NPAS1: variants seen among roughly 807,000 people sequenced by gnomAD.
NPAS1 encodes the protein neuronal PAS domain-containing protein 1.
In NPAS1, 29 loss-of-function variants were observed where a neutral mutation model predicts 49.2. The observed-to-expected ratio is 0.59, with a 90% CI of 0.44 to 0.80. NPAS1 has a LOEUF of 0.80. NPAS1 is among the 30% of genes least tolerant of loss of function. NPAS1 has a pLI of 0.00. For missense variants in NPAS1, 825 were observed against 835.5 expected (o/e 0.99, Z 0.15); for synonymous variants, 408 against 380.4 (o/e 1.07, Z -0.84).
At chr19:47,034,386 C>A (rs541673584) in intron 5 of NPAS1, among the ~76,000 whole-genome samples, 2 of 151,470 alleles carry the variant, frequency 1.3e-5, no homozygotes, top group South Asian at 4.2e-4. Context: ...CATCTCACAG[C>A]ACCTTAAGCT....
Position 47,035,991 on chromosome 19 carries a change from G to C in NPAS1, c.550G>C (p.Asp184His). 6.5e-7 allele frequency: 1 copy of C among 1,544,494 alleles called. No individual in the cohort carries two copies. Among genetic ancestry groups the C allele is most frequent in the Non-Finnish European group, 8.7e-7 (1 of 1,146,994 alleles). The stretch of plus-strand genomic sequence containing the variant: ...GGAGATGACGGGCAGCAGCGTCTTC[G>C]ACTACATTCACCCTGGGGACCACTC... ...QVEMTGSSVF[D>H]YIHPGDHSEV... Residue 184 changes from aspartate to histidine, a missense_variant, in exon 6 of 12, where the codon GAC (aspartate) becomes CAC (histidine). By Grantham distance (81) the Asp-to-His change is moderately conservative. Coordinates refer to ENST00000602212, the MANE Select transcript of NPAS1 (RefSeq NM_002517.4).
chr19:47,020,468 C>G (rs1259843384), intron 1 of NPAS1, among the ~76,000 whole-genome samples: 1 of 151,926 alleles, frequency 6.6e-6, no homozygotes, highest in Non-Finnish European at 1.5e-5. Flanking sequence ...TCCCGAGAGG[C>G]TGGGGGGATC....
At chr19:47,031,518 CTCT>C (rs1458135006) in intron 3 of NPAS1, among the ~76,000 whole-genome samples, 1 of 40,862 alleles carries the variant, frequency 2.4e-5, no homozygotes, top group Non-Finnish European at 5.1e-5. Flanking sequence ...TTTTCTTTCT[CTCT>C]TTTTTCTTTC....
chr19:47,034,032 C>A (rs1473409559), intron 5 of NPAS1, among the ~76,000 whole-genome samples: 17 of 118,840 alleles, frequency 1.4e-4, no homozygotes, highest in African/African-American at 5.1e-4. Flanking sequence ...GGGCCGGGCG[C>A]GGTGGCTCAC....
In NPAS1 at chr19:47,032,263, T is replaced by G. The variant is rs768832145; in HGVS notation, c.359-15T>G. ...TCAGCCAGACTAACAGGCTTCATCC[T>G]TCCATCTGCCCCAGCCCCAGGCCGC... On this transcript the variant is annotated splice_polypyrimidine_tract_variant and intron_variant, in intron 3 of 11. Coordinates refer to ENST00000602212, the MANE Select transcript of NPAS1 (RefSeq NM_002517.4). 2.5e-6 allele frequency: 4 copies of G among 1,612,740 alleles called. No homozygotes were observed. The African/African-American group carries it at 5.3e-5, about 22-fold the overall frequency.
chr19:47,022,677 T>C (rs116976121), intron 3 of NPAS1, among the ~76,000 whole-genome samples: 101,144 of 151,778 alleles, frequency 0.67, 34,202 homozygotes, highest in Middle Eastern at 0.81. Flanking sequence ...GCGCTGGGAT[T>C]GAGCAGGAGA....
Position 47,041,087 on chromosome 19 carries a change from C to G in NPAS1, c.1179C>G (p.Pro393=), listed in dbSNP as rs550532474. 6.3e-7 allele frequency: 1 copy of G among 1,596,410 alleles called. No homozygotes were observed. Among genetic ancestry groups the G allele is most frequent in the Non-Finnish European group, 8.5e-7 (1 of 1,174,994 alleles). Residue 393 remains proline (P), a synonymous_variant, in exon 10 of 12, where the codon CCC becomes CCG. Transcript: ENST00000602212. ...CAGTGGCTGGGAGCGGGAAGAGCCC[C>G]GGGGAGCACCATGTGCTTTGGGTCA... is the stretch of plus-strand genomic sequence containing the variant. The part of the protein sequence containing the change: ...VATVAGSGKS[P]GEHHVLWVSH...
intron 1 of NPAS1, among the ~76,000 whole-genome samples, chr19:47,020,500 G>A (rs886586858): frequency 6.6e-6 from 1 of 151,910 alleles, no homozygotes; most frequent in African/African-American, 2.4e-5. Flanking sequence ...CACAGGATGG[G>A]GGTCCCTGCC....
At chr19:47,027,395 C>T (rs2056878909) in intron 3 of NPAS1, among the ~76,000 whole-genome samples, 1 of 127,260 alleles carries the variant, frequency 7.9e-6, no homozygotes, top group Non-Finnish European at 1.7e-5. Context: ...CACCCGGTTT[C>T]CCCCTCTCTC....
At chr19:47,044,512 G>C (rs974604200) in intron 11 of NPAS1, among the ~76,000 whole-genome samples, 13 of 152,236 alleles carry the variant, frequency 8.5e-5, no homozygotes, top group African/African-American at 3.1e-4. Flanking sequence ...ACCACAGAAA[G>C]CTCTATCCTG....
chr19:47,045,606 C>G lies in NPAS1; in HGVS notation c.1728C>G (p.Pro576=). 6.9e-7 allele frequency: 1 copy of G among 1,454,998 alleles called. No homozygotes were observed. The highest frequency in any genetic ancestry group is 9.0e-7 in the Non-Finnish European group (1 of 1,115,076). The allele number at this position is 1,454,998 out of a possible 1,614,324, so 90.1% of individuals were successfully genotyped here. A position where few individuals can be genotyped will look rare whatever the true frequency, so the allele number is the denominator to read the frequency against. ...PEAFYPPLGL[P]YPGPAGTRLP... ...CCTTTTACCCGCCCCTGGGCCTGCC[C>G]TACCCGGGGCCCGCGGGCACCAGGC... The change falls in exon 12 of 12, where the codon CCC becomes CCG. Residue 576 remains proline (P), a synonymous_variant. Coordinates refer to ENST00000602212, the MANE Select transcript of NPAS1 (RefSeq NM_002517.4).
chr19:47,020,578 G>T (rs112233155), intron 1 of NPAS1, among the ~76,000 whole-genome samples: 2 of 151,184 alleles, frequency 1.3e-5, no homozygotes, highest in African/African-American at 4.9e-5. Flanking sequence ...AGACACCGGG[G>T]ATGGGCTTGG....
At position 47,032,286 on chromosome 19, in the gene NPAS1, C is replaced by G. The variant is rs146682127; in HGVS notation, c.367C>G (p.Arg123Gly). Residue 123 changes from arginine to glycine, a missense_variant, in exon 4 of 12, where the codon CGC (arginine) becomes GGC (glycine). Physicochemically the swap from Arg to Gly is moderately radical, Grantham distance 125 (BLOSUM62 -2). Transcript: ENST00000602212. ...CCTTCCATCTGCCCCAGCCCCAGGC[C>G]GCCGCGGCCCCGCAGCGCTGGTCTC... ...AGPPAGLAPG[R>G]RGPAALVSEV... is the part of the protein sequence containing the mutation. 4 of 1,613,914 alleles carry G rather than the reference C, an allele frequency of 2.5e-6. No individual in the cohort carries two copies. In the South Asian group the frequency reaches 4.4e-5, roughly 18 times the overall value.
chr19:47,040,358 G>A, intron 8 of NPAS1, 86 bp from the exon 9 acceptor site: 1 of 851,304 alleles, frequency 1.2e-6, no homozygotes, highest in Non-Finnish European at 1.9e-6. Context: ...GCAAGGGTGT[G>A]AACCCCAGGG....
chr19:47,040,671 C>G, intron 9 of NPAS1, 121 bp downstream of exon 9: 1 of 667,092 alleles, frequency 1.5e-6, no homozygotes, highest in Non-Finnish European at 2.7e-6. Flanking sequence ...GCACCTACAG[C>G]TCCAGGGACT....
Position 47,021,094 on chromosome 19 carries a change from G to A in NPAS1, c.47G>A (p.Cys16Tyr). 1 of 1,604,270 alleles carries A rather than the reference G, an allele frequency of 6.2e-7. No individual in the cohort carries two copies. Among genetic ancestry groups the A allele is most frequent in the Non-Finnish European group, 8.5e-7 (1 of 1,176,166 alleles). ...AGTGGCGGCGGAAGCGAGGTCAAAT[G>A]CGTGGGAGGCCGCGGCGCCAGCGTC... is the stretch of plus-strand genomic sequence containing the variant. ...PGSGGGSEVKCVGGRGASVPW... is the reference protein window; with the variant it reads ...PGSGGGSEVKYVGGRGASVPW... Residue 16 changes from cysteine (C) to tyrosine (Y), a missense_variant, in exon 2 of 12, where the codon TGC (cysteine) becomes TAC (tyrosine). Transcript: ENST00000602212. The surrounding 1 kb of genome is among the most constrained non-coding windows in gnomAD (Gnocchi z 5.7).
chr19:47,036,288 G>A (rs1369513180), intron 6 of NPAS1, among the ~76,000 whole-genome samples, 159 bp downstream of exon 6: 2 of 152,242 alleles, frequency 1.3e-5, no homozygotes, highest in Non-Finnish European at 2.9e-5. Context: ...TTGAGGCGGT[G>A]AGACTTGGTT....
intron 5 of NPAS1, among the ~76,000 whole-genome samples, chr19:47,033,104 CT>C (rs1479470235): frequency 6.6e-6 from 1 of 150,840 alleles, no homozygotes; most frequent in Admixed American, 6.6e-5. Context: ...ACCCGGCTAA[CT>C]TTTTGTATTT....
Position 47,035,878 on chromosome 19 carries a change from A to G in NPAS1, c.523-86A>G. On this transcript the variant is annotated intron_variant, in intron 5 of 11. Transcript: ENST00000602212. ...CATGAAGCGCACCTGCGTGCAGGCA[A>G]ATGAGGCAAGGCTGAGCCCAGAGGG... 5 of 1,379,940 alleles carry G rather than the reference A, an allele frequency of 3.6e-6. No individual in the cohort carries two copies. In the South Asian group the frequency reaches 6.3e-5, roughly 17 times the overall value. 85.5% of individuals were successfully genotyped at this position (1,379,940 alleles called of 1,614,324 possible).
Sources: allele counts gnomAD v4.1 joint callset (sites outside exome capture counted in the v4.1 genomes callset), GRCh38; gene constraint gnomAD v4.1.1; non-coding constraint Gnocchi (gnomAD v3.1); transcripts MANE v1.5; gene names NCBI Gene and HGNC (gene_info 2026-07-23, HGNC 2026-07-21).